The following CADPS variants were observed in gnomAD, a reference collection of about 807,000 sequenced individuals.
CADPS encodes the protein calcium-dependent secretion activator 1.
A neutral mutation model predicts 167.3 loss-of-function variants in CADPS; 57 were observed. The observed-to-expected ratio is 0.34, with a 90% CI of 0.28 to 0.42. The LOEUF (loss-of-function observed/expected upper bound fraction) is 0.42, where lower values mean the gene tolerates loss of function less well. CADPS is among the 20% of genes least tolerant of loss of function. The probability of loss-of-function intolerance (pLI) is 1.00; values close to 1 mark genes in which losing one functional copy is unlikely to be tolerated. For synonymous variants in CADPS, 676 were observed against 635.3 expected, an observed-to-expected ratio of 1.06 and a Z score of -0.96; for missense variants, 1,414 against 1,738.1, an observed-to-expected ratio of 0.81 and a Z score of 3.32.
chr3:62,842,442 G>A (rs959622688), intron 1 of CADPS, among the ~76,000 whole-genome samples: 1 of 152,196 alleles, frequency 6.6e-6, no homozygotes, highest in African/African-American at 2.4e-5. Context: ...CCAATATGCA[G>A]CCAATCAAGA....
intron 13 of CADPS, chr3:62,530,567 C>T (rs1490275876): frequency 2.3e-6 from 2 of 874,042 alleles, no homozygotes; most frequent in Non-Finnish European, 2.9e-6. Context: ...TCAAAGCTTG[C>T]AAAAGTGGAA....
At chr3:62,751,589 A>G (rs1248608418) in intron 3 of CADPS, among the ~76,000 whole-genome samples, 2 of 151,926 alleles carry the variant, frequency 1.3e-5, no homozygotes, top group Non-Finnish European at 2.9e-5. Flanking sequence ...TGCCTGGCTA[A>G]TTTTTGTATT....
intron 1 of CADPS, among the ~76,000 whole-genome samples, chr3:62,769,056 T>C (rs993778172): frequency 1.3e-5 from 2 of 152,118 alleles, no homozygotes; most frequent in East Asian, 3.9e-4. Flanking sequence ...CATGTCTCCC[T>C]GGGCAAATGA....
At chr3:62,590,439 T>A (rs989929363) in intron 7 of CADPS, among the ~76,000 whole-genome samples, 2 of 152,188 alleles carry the variant, frequency 1.3e-5, no homozygotes, top group Admixed American at 1.3e-4. Context: ...GAAATGAGTA[T>A]CGTTTCTCAA....
chr3:62,838,368 G>C (rs2076196525), intron 1 of CADPS, among the ~76,000 whole-genome samples: 1 of 152,196 alleles, frequency 6.6e-6, no homozygotes, highest in African/African-American at 2.4e-5. Flanking sequence ...GAGGGAATGA[G>C]TATAAGCCAT....
At chr3:62,652,538 A>C (rs2070466424) in intron 4 of CADPS, among the ~76,000 whole-genome samples, 1 of 152,152 alleles carries the variant, frequency 6.6e-6, no homozygotes. Flanking sequence ...AGAGACATTG[A>C]GACTGCAATT....
chr3:62,470,514 T>A (rs2060463352), intron 24 of CADPS: 1 of 152,228 alleles, frequency 6.6e-6, no homozygotes, highest in African/African-American at 2.4e-5. Flanking sequence ...GGAGGAAACA[T>A]TTCCATATGA....
intron 26 of CADPS, among the ~76,000 whole-genome samples, chr3:62,447,036 C>T (rs1230059172): frequency 6.6e-6 from 1 of 152,158 alleles, no homozygotes; most frequent in Non-Finnish European, 1.5e-5. Flanking sequence ...TTTCTCAATG[C>T]TAGTTTCCAA....
intron 1 of CADPS, among the ~76,000 whole-genome samples, chr3:62,796,595 G>A (rs2093423766): frequency 6.6e-6 from 1 of 152,148 alleles, no homozygotes; most frequent in South Asian, 2.1e-4. Flanking sequence ...AAGGCCTATA[G>A]CAGAGAGAGT....
At position 62,825,137 on chromosome 3, in the gene CADPS, CT is replaced by C. The variant is rs936468987; in HGVS notation, c.441+49451del. 9.2e-5 allele frequency among the ~76,000 whole-genome samples: 14 copies of C among 152,180 alleles called. 1 individual carries two copies. Among genetic ancestry groups the C allele is most frequent in the Admixed American group, 8.5e-4 (13 of 15,260 alleles). ...TTCTACATTGCTTGTTTAGACATGG[CT>C]TTCTGTCAACCAGGAAGTTCCGTCA... On this transcript the variant is annotated intron_variant, in intron 1 of 29. Transcript: ENST00000383710.
chr3:62,841,357 A>G (rs543457747), intron 1 of CADPS, among the ~76,000 whole-genome samples: 1 of 152,312 alleles, frequency 6.6e-6, no homozygotes, highest in East Asian at 1.9e-4. Flanking sequence ...TTTTCCCCTT[A>G]GAGAGGGAAA....
chr3:62,805,475 C>A (rs73102735), intron 1 of CADPS, among the ~76,000 whole-genome samples: 1 of 152,002 alleles, frequency 6.6e-6, no homozygotes, highest in African/African-American at 2.4e-5. Flanking sequence ...AATCTTACCT[C>A]GAAACTACTA....
intron 1 of CADPS, among the ~76,000 whole-genome samples, chr3:62,848,220 G>A (rs1185900988): frequency 7.2e-6 from 1 of 139,406 alleles, no homozygotes. Flanking sequence ...TTTCTCCCAT[G>A]TTGTAGGTTG....
chr3:62,525,043 T>C (rs1435191120), intron 13 of CADPS, among the ~76,000 whole-genome samples: 1 of 152,212 alleles, frequency 6.6e-6, no homozygotes, highest in Non-Finnish European at 1.5e-5. Context: ...AAAAGGAGTG[T>C]AACATCTGAA....
chr3:62,849,011 G>T (rs2078025642), intron 1 of CADPS, among the ~76,000 whole-genome samples: 1 of 145,106 alleles, frequency 6.9e-6, no homozygotes, highest in African/African-American at 2.6e-5. Flanking sequence ...TTGTAAGTTG[G>T]ATTCCTAGGT....
chr3:62,793,311 G>A (rs1671395376), intron 1 of CADPS, among the ~76,000 whole-genome samples: 1 of 152,100 alleles, frequency 6.6e-6, no homozygotes. Context: ...TTGTAACTGG[G>A]TCTTCTTCAA....
intron 6 of CADPS, among the ~76,000 whole-genome samples, chr3:62,593,594 C>T (rs1477175710): frequency 1.3e-5 from 2 of 152,214 alleles, no homozygotes; most frequent in Non-Finnish European, 2.9e-5. Context: ...AGGGGGCAAT[C>T]TGGACCCCTA....
intron 28 of CADPS, among the ~76,000 whole-genome samples, chr3:62,414,573 T>G (rs1420008591): frequency 6.6e-6 from 1 of 152,220 alleles, no homozygotes; most frequent in African/African-American, 2.4e-5. Flanking sequence ...GAGCATTTAT[T>G]CTCCAGGCTT....
intron 4 of CADPS, among the ~76,000 whole-genome samples, chr3:62,655,661 C>A (rs549650104): frequency 2.4e-4 from 37 of 152,180 alleles, no homozygotes; most frequent in African/African-American, 8.9e-4. Flanking sequence ...GACAAGGCTG[C>A]CCCCCTTCAG....
Sources: allele counts gnomAD v4.1 joint callset (sites outside exome capture counted in the v4.1 genomes callset), GRCh38; gene constraint gnomAD v4.1.1; transcripts MANE v1.5; gene names NCBI Gene and HGNC (gene_info 2026-07-23, HGNC 2026-07-21).